BLVRA: variants seen among roughly 807,000 people sequenced by gnomAD.
The protein encoded by BLVRA is biliverdin reductase A.
A neutral mutation model predicts 32.8 loss-of-function variants in BLVRA; 22 were observed. The observed-to-expected ratio is 0.67, with a 90% confidence interval of 0.48 to 0.96. The LOEUF (loss-of-function observed/expected upper bound fraction) is 0.96. BLVRA is among the 40% of genes least tolerant of loss of function. The pLI, the probability that BLVRA is intolerant of heterozygous loss-of-function variation, is 0.00. For synonymous variants in BLVRA, 119 were observed against 141.3 expected (o/e 0.84, Z 1.12); for missense variants, 323 against 358.1 (o/e 0.90, Z 0.79).
chr7:43,793,069 C>G (rs1007302073), intron 5 of BLVRA, among the ~76,000 whole-genome samples: 2 of 152,126 alleles, frequency 1.3e-5, no homozygotes, highest in African/African-American at 4.8e-5. Context: ...TTAGTTTTCA[C>G]CTATGCTTAT....
chr7:43,777,338 G>T (rs1585720426), intron 2 of BLVRA, among the ~76,000 whole-genome samples: 1 of 150,932 alleles, frequency 6.6e-6, no homozygotes, highest in East Asian at 1.9e-4. Context: ...GGCAGGCCTG[G>T]TGGTGACAAA....
intron 1 of BLVRA, among the ~76,000 whole-genome samples, chr7:43,765,499 G>A (rs997144732): frequency 8.5e-5 from 13 of 152,132 alleles, no homozygotes; most frequent in African/African-American, 1.2e-4. Context: ...TGATCCGCCC[G>A]CCTCGGCCTC....
At chr7:43,765,157 CT>C (rs1429422890) in intron 1 of BLVRA, among the ~76,000 whole-genome samples, 1 of 152,218 alleles carries the variant, frequency 6.6e-6, no homozygotes, top group South Asian at 2.1e-4. Context: ...AAGGTGTTGA[CT>C]TTTTTCTTTC....
chr7:43,791,551 T>C (rs900228484), intron 4 of BLVRA, 183 bp downstream of exon 4: 4 of 634,774 alleles, frequency 6.3e-6, no homozygotes, highest in South Asian at 1.9e-5. Context: ...TATAAATATA[T>C]AAGGAAGTGA....
intron 1 of BLVRA, chr7:43,767,547 A>G: frequency 9.2e-7 from 1 of 1,086,340 alleles, no homozygotes; most frequent in Non-Finnish European, 1.4e-6. Context: ...CTCTTTATGT[A>G]TGTGGTCTGG....
intron 4 of BLVRA, among the ~76,000 whole-genome samples, chr7:43,792,377 C>T (rs1317951454): frequency 6.6e-6 from 1 of 152,204 alleles, no homozygotes; most frequent in Non-Finnish European, 1.5e-5. Context: ...GTTTTGTAGC[C>T]TTTATAGCTA....
intron 2 of BLVRA, among the ~76,000 whole-genome samples, chr7:43,777,681 T>C (rs1188079880): frequency 6.6e-6 from 1 of 152,174 alleles, no homozygotes. Context: ...TGAATCTGAA[T>C]GTTGGCCTGC....
intron 4 of BLVRA, chr7:43,791,679 CCTT>C (rs1486378926): frequency 1.2e-5 from 4 of 321,760 alleles, no homozygotes; most frequent in South Asian, 5.8e-5. Flanking sequence ...GTAGTGGCCT[CCTT>C]CTTCTCACCA....
intron 2 of BLVRA, among the ~76,000 whole-genome samples, chr7:43,772,958 A>G (rs1465024400): frequency 6.6e-6 from 1 of 151,268 alleles, no homozygotes; most frequent in Non-Finnish European, 1.5e-5. Flanking sequence ...GAAACTGCAC[A>G]CTCCTGCCTG....
chr7:43,788,132 C>G (rs2095780527), intron 3 of BLVRA, 107 bp downstream of exon 3: 1 of 1,579,284 alleles, frequency 6.3e-7, no homozygotes, highest in Admixed American at 1.7e-5. Context: ...GAGCCATCTC[C>G]CAACTGAGAA....
intron 6 of BLVRA, 79 bp from the exon 7 acceptor site, chr7:43,803,597 G>A (rs1288949690): frequency 1.5e-5 from 15 of 1,016,750 alleles, no homozygotes; most frequent in South Asian, 4.0e-5. Context: ...TCACACCCCC[G>A]CCACCCCCAC....
intron 4 of BLVRA, chr7:43,791,866 G>A (rs186245223): frequency 5.7e-6 from 1 of 174,408 alleles, no homozygotes; most frequent in Admixed American, 5.5e-5. Context: ...GCCTTCCTCA[G>A]TCTAGCTTCC....
rs60912640 is a variant in BLVRA at position 43,805,338 on chromosome 7, G to A, written c.632+1491G>A. Among the ~76,000 whole-genome samples the A allele has an allele frequency of 5.4e-4, 81 of 151,352 alleles. No homozygotes were observed. The East Asian group carries it at 0.015, about 28-fold the overall frequency. ...TGCTCTGTCACCCAGGCTGGAGTGCGGTGGTGTGATCTCAGCTCACTGCAA... is the reference window on the plus strand; with the variant it reads ...TGCTCTGTCACCCAGGCTGGAGTGCAGTGGTGTGATCTCAGCTCACTGCAA... On this transcript the variant is annotated intron_variant, in intron 7 of 7. Coordinates refer to ENST00000265523, the MANE Select transcript of BLVRA (RefSeq NM_000712.4).
intron 2 of BLVRA, among the ~76,000 whole-genome samples, chr7:43,773,923 T>G (rs972917266): frequency 3.3e-5 from 5 of 152,258 alleles, no homozygotes; most frequent in Non-Finnish European, 7.3e-5. Flanking sequence ...GTTTTTTGGC[T>G]ACATAAATGT....
chr7:43,771,123 C>T lies in BLVRA; in HGVS notation c.-21-15C>T, dbSNP rs777329627. On this transcript the variant is annotated splice_polypyrimidine_tract_variant and intron_variant, in intron 1 of 7. Coordinates refer to ENST00000265523, the MANE Select transcript of BLVRA (RefSeq NM_000712.4). ...GTGCCACCAGGGACCTGAACCTCTGCTTTTGTCTTTACAGTGACCGAAGGA... is the reference window on the plus strand; with the variant it reads ...GTGCCACCAGGGACCTGAACCTCTGTTTTTGTCTTTACAGTGACCGAAGGA... 1 of 1,613,898 alleles carries T rather than the reference C, an allele frequency of 6.2e-7. No individual in the cohort carries two copies. The highest frequency in any genetic ancestry group is 8.5e-7 in the Non-Finnish European group (1 of 1,179,788).
chr7:43,796,619 G>A (rs1182607445), intron 5 of BLVRA, among the ~76,000 whole-genome samples: 4 of 152,212 alleles, frequency 2.6e-5, no homozygotes, highest in Admixed American at 2.0e-4. Flanking sequence ...GAAAACATGG[G>A]AAAGCATCAA....
intron 5 of BLVRA, among the ~76,000 whole-genome samples, chr7:43,800,000 G>A (rs1359244709): frequency 6.6e-6 from 1 of 152,050 alleles, no homozygotes; most frequent in Non-Finnish European, 1.5e-5. Context: ...CTGTCGCCCA[G>A]GCTGGAGTGC....
chr7:43,772,523 A>T (rs1000358710), intron 2 of BLVRA, among the ~76,000 whole-genome samples: 7 of 152,166 alleles, frequency 4.6e-5, no homozygotes, highest in African/African-American at 1.7e-4. Context: ...AGAAAGGGGG[A>T]TGTATCCCTG....
At chr7:43,758,872 A>AGCCTGGGCGGGGCAGGCGG (rs1172726342) in intron 1 of BLVRA, 138 bp downstream of exon 1, 11 of 151,450 alleles carry the variant, frequency 7.3e-5, no homozygotes, top group Admixed American at 2.0e-4. Context: ...GCCGGGACGC[A>AGCCTGGGCGGGGCAGGCGG]GCCTGGGCGC....
Sources: gnomAD v4.1 joint callset for allele counts (sites outside exome capture counted in the v4.1 genomes callset) on GRCh38, gnomAD v4.1.1 for gene constraint, MANE v1.5 for transcripts, NCBI Gene and HGNC (gene_info 2026-07-23, HGNC 2026-07-21) for gene names.